Variants in DNAH17 observed in about 807,000 individuals in gnomAD.
DNAH17 encodes the protein dynein axonemal heavy chain 17.
A neutral mutation model predicts 485.6 loss-of-function variants in DNAH17; 376 were observed. The ratio of observed to expected loss-of-function variants is 0.77; its 90% CI spans 0.71 to 0.84. The LOEUF (loss-of-function observed/expected upper bound fraction) is 0.84, where lower values mean the gene tolerates loss of function less well. DNAH17 is among the 40% of genes least tolerant of loss of function. The probability of loss-of-function intolerance (pLI) is 0.00; values close to 1 mark genes in which losing one functional copy is unlikely to be tolerated. For synonymous variants in DNAH17, 3,031 were observed against 2,405.9 expected, an observed-to-expected ratio of 1.26 and a Z score of -7.60; for missense variants, 6,370 against 5,839.3, an observed-to-expected ratio of 1.09 and a Z score of -2.96.
At chr17:78,547,617 ATT>A (rs58852980) in intron 16 of DNAH17, among the ~76,000 whole-genome samples, 42,874 of 133,956 alleles carry the variant, frequency 0.32, 5,982 homozygotes, top group South Asian at 0.42. Context: ...GTTCATTACT[ATT>A]TTTTTTTTTT....
At chr17:78,577,092 G>A (rs555858756) in intron 1 of DNAH17, among the ~76,000 whole-genome samples, 16 of 152,290 alleles carry the variant, frequency 1.1e-4, no homozygotes, top group Admixed American at 6.5e-4. Flanking sequence ...CTGGAGCCCT[G>A]GAAGGGGTCA....
rs111481564 is a variant in DNAH17, at chr17:78,502,810, C to T, written c.5082+76G>A. The T allele has an allele frequency of 9.4e-5, 150 of 1,590,398 alleles. No homozygotes were observed. In the African/African-American group the frequency reaches 1.6e-3, roughly 17 times the overall value. ...TTTTCCAGGGGACCACAGTTAACAG[C>T]GGAGCCCATGAACGCAAAGAAACTC... On this transcript the variant is annotated intron_variant, in intron 32 of 80. Coordinates refer to ENST00000389840, the MANE Select transcript of DNAH17 (RefSeq NM_173628.4).
intron 2 of DNAH17, among the ~76,000 whole-genome samples, chr17:78,573,723 GAGA>G (rs1395892907): frequency 2.6e-5 from 4 of 152,188 alleles, no homozygotes; most frequent in South Asian, 2.1e-4. Flanking sequence ...AGGACCCAGG[GAGA>G]AGATGTCCAT....
At chr17:78,469,007 AGGCTGGAGTGCAATGGCACAATCTC>A (rs1304548488) in intron 54 of DNAH17, 124 bp from the exon 55 acceptor site, 2 of 1,250,506 alleles carry the variant, frequency 1.6e-6, no homozygotes, top group African/African-American at 3.0e-5. Flanking sequence ...TCTGTCGCCC[AGGCTGGAGTGCAATGGCACAATCTC>A]GGCTCACTGC....
chr17:78,573,427 C>A (rs531150449), intron 2 of DNAH17, among the ~76,000 whole-genome samples: 2 of 151,820 alleles, frequency 1.3e-5, no homozygotes, highest in Non-Finnish European at 2.9e-5. Flanking sequence ...GGTGAAACCT[C>A]GTCTCTACTG....
intron 64 of DNAH17, 91 bp from the exon 65 acceptor site, chr17:78,453,556 C>T (rs1274694945): frequency 9.2e-6 from 14 of 1,526,290 alleles, no homozygotes; most frequent in East Asian, 7.0e-5. Context: ...GCCCTCTGAG[C>T]GAGACAGCGC....
Position 78,539,670 on chromosome 17 carries a change from G to A in DNAH17, c.2676+67C>T, listed in dbSNP as rs541534642. On this transcript the variant is annotated intron_variant, in intron 18 of 80. Transcript: ENST00000389840. ...TGATAGCCTGTTCATCAAGAAACTA[G>A]AAACTATAGATTCTAACAGATAAGA... 40 of 1,325,152 alleles carry A rather than the reference G, an allele frequency of 3.0e-5. No homozygotes were observed. In the African/African-American group the frequency reaches 4.7e-4, roughly 16 times the overall value. 82.1% of individuals were successfully genotyped at this position (1,325,152 alleles called of 1,614,324 possible). A position where few individuals can be genotyped will look rare whatever the true frequency, so the allele number is the denominator to read the frequency against.
At chr17:78,454,105 C>T (rs2087678063) in intron 64 of DNAH17, among the ~76,000 whole-genome samples, 1 of 152,242 alleles carries the variant, frequency 6.6e-6, no homozygotes, top group African/African-American at 2.4e-5. Context: ...CAGGGCATCA[C>T]TGTACCTGTG....
At chr17:78,539,585 G>C (rs1051061798) in intron 18 of DNAH17, among the ~76,000 whole-genome samples, 152 bp downstream of exon 18, 5 of 152,072 alleles carry the variant, frequency 3.3e-5, no homozygotes, top group African/African-American at 1.2e-4. Context: ...AGGACTTCCA[G>C]GTTTAAAACC....
At chr17:78,562,439 A>T (rs1391388463) in intron 11 of DNAH17, among the ~76,000 whole-genome samples, 1 of 152,190 alleles carries the variant, frequency 6.6e-6, no homozygotes, top group Non-Finnish European at 1.5e-5. Context: ...AAAATAAAAA[A>T]TACAAAGAAT....
Position 78,574,836 on chromosome 17 carries a change from G to A in DNAH17, c.222C>T (p.Ser74=). The A allele has an allele frequency of 1.2e-6, 2 of 1,614,012 alleles. No homozygotes were observed. The highest frequency in any genetic ancestry group is 1.7e-6 in the Non-Finnish European group (2 of 1,179,900). ...PCLGFPQSLK[S]KGVYFIKTKS... ...TTGTCTTGATGAAGTAAACCCCTTT[G>A]GACTTGAGGGACTGGGGGAAGCCCA... is the stretch of plus-strand genomic sequence containing the variant. Residue 74 remains serine, a synonymous_variant, in exon 2 of 81, where the codon TCC becomes TCT. Coordinates refer to ENST00000389840, the MANE Select transcript of DNAH17 (RefSeq NM_173628.4).
chr17:78,494,478 T>C, intron 40 of DNAH17, 115 bp downstream of exon 40: 10 of 1,224,242 alleles, frequency 8.2e-6, no homozygotes, highest in Middle Eastern at 2.0e-4. Context: ...GGTCTCTTTG[T>C]AGCATCGGGA....
At chr17:78,478,901 TATC>T in intron 51 of DNAH17, 121 bp downstream of exon 51, 2 of 742,146 alleles carry the variant, frequency 2.7e-6, no homozygotes, top group Non-Finnish European at 4.5e-6. Flanking sequence ...TTATCATCAT[TATC>T]ATTACCACCA....
chr17:78,442,371 C>T (rs2087109253), intron 71 of DNAH17, among the ~76,000 whole-genome samples: 1 of 152,222 alleles, frequency 6.6e-6, no homozygotes. Context: ...CCTTTGCTGG[C>T]TTGTCTCTGG....
chr17:78,509,308 T>A (rs2090570601), intron 27 of DNAH17, among the ~76,000 whole-genome samples: 1 of 152,050 alleles, frequency 6.6e-6, no homozygotes, highest in Non-Finnish European at 1.5e-5. Context: ...TTTGTAGAGA[T>A]GGGGTCTGCC....
intron 61 of DNAH17, 116 bp from the exon 62 acceptor site, chr17:78,458,796 G>GCT (rs2087936676): frequency 9.0e-7 from 1 of 1,105,398 alleles, no homozygotes; most frequent in Non-Finnish European, 1.4e-6. Context: ...TCCCACAAAG[G>GCT]CTGAGAGCCC....
intron 50 of DNAH17, 75 bp downstream of exon 50, chr17:78,479,410 A>C (rs2089249843): frequency 6.8e-7 from 1 of 1,465,050 alleles, no homozygotes; most frequent in Non-Finnish European, 9.1e-7. Context: ...TTATCAAGGG[A>C]AAATGTGAAG....
chr17:78,479,490 G>A lies in DNAH17; in HGVS notation c.7895C>T (p.Ala2632Val), dbSNP rs2089254160. ...QRISSQLVAA[A>V]LALHQKITAT... ...GATGAGGCCAGCCAGCTTACCCAGG[G>A]CCGCGGCCACCAGCTGGCTGCTTAT... Residue 2632 changes from alanine to valine, a missense_variant, in exon 50 of 81, where the codon GCC becomes GTC. Coordinates refer to ENST00000389840, the MANE Select transcript of DNAH17 (RefSeq NM_173628.4). The A allele has an allele frequency of 3.1e-6, 5 of 1,611,178 alleles. No homozygotes were observed. Among genetic ancestry groups the A allele is most frequent in the Non-Finnish European group, 4.2e-6 (5 of 1,179,264 alleles).
At chr17:78,488,196 GGA>G (rs1242073392) in intron 44 of DNAH17, among the ~76,000 whole-genome samples, 1 of 152,220 alleles carries the variant, frequency 6.6e-6, no homozygotes, top group East Asian at 1.9e-4. Context: ...ACAGGCCCCA[GGA>G]GAGACACATG....
Sources: gnomAD v4.1 joint callset for allele counts (sites outside exome capture counted in the v4.1 genomes callset) on GRCh38, gnomAD v4.1.1 for gene constraint, MANE v1.5 for transcripts, NCBI Gene and HGNC (gene_info 2026-07-23, HGNC 2026-07-21) for gene names.